HERC2: variants seen among roughly 807,000 people sequenced by gnomAD.
The protein encoded by HERC2 is HECT and RLD domain containing E3 ubiquitin protein ligase 2.
Under a neutral mutation model 537.7 loss-of-function variants are expected in HERC2, and 102 were observed. The observed-to-expected ratio is 0.19, with a 90% CI of 0.16 to 0.22. The LOEUF is 0.22. Ranked by LOEUF, HERC2 falls within the 10% of genes least tolerant of loss-of-function variation. HERC2 has a pLI of 1.00. For missense variants in HERC2, 4,236 were observed against 6,198.2 expected (o/e 0.68, Z 10.63); for synonymous variants, 2,224 against 2,466.2 (o/e 0.90, Z 2.91).
chr15:28,277,541 C>T (rs985959979), intron 5 of HERC2, among the ~76,000 whole-genome samples: 7 of 151,618 alleles, frequency 4.6e-5, no homozygotes, highest in Non-Finnish European at 1.0e-4. Context: ...AATTAATTCA[C>T]CAACCCTAAG....
intron 80 of HERC2, 56 bp downstream of exon 80, chr15:28,132,597 G>T: frequency 1.5e-6 from 2 of 1,345,166 alleles, no homozygotes; most frequent in South Asian, 2.3e-5. Context: ...GCCCCCATCT[G>T]ACAGCAGCAG....
Position 28,257,098 on chromosome 15 carries a change from C to T in HERC2, c.2480G>A (p.Cys827Tyr). ...AAGATTCAGCGTTGCCACGGCCACACACTCTTTCTCCTGGGGCGGGGGCCA... is the reference window on the plus strand; with the variant it reads ...AAGATTCAGCGTTGCCACGGCCACATACTCTTTCTCCTGGGGCGGGGGCCA... Reference protein sequence around the residue: ...ADWPPPQEKECVAVATLNLLR... With the variant: ...ADWPPPQEKEYVAVATLNLLR... Residue 827 changes from cysteine (C) to tyrosine (Y), a missense_variant, in exon 17 of 93, where the codon TGT becomes TAT. By Grantham distance (194) the Cys-to-Tyr change is radical. Transcript: ENST00000261609. 6.2e-7 allele frequency: 1 copy of T among 1,613,900 alleles called. No homozygotes were observed.
chr15:28,118,992 G>A (rs138484055), intron 86 of HERC2, among the ~76,000 whole-genome samples: 2 of 152,272 alleles, frequency 1.3e-5, no homozygotes, highest in South Asian at 2.1e-4. Context: ...CTGACACCAC[G>A]CACGGTGGCT....
intron 4 of HERC2, among the ~76,000 whole-genome samples, chr15:28,291,509 G>C (rs2076311218): frequency 6.6e-6 from 1 of 152,134 alleles, no homozygotes; most frequent in Admixed American, 6.5e-5. Context: ...GCTGAAACTG[G>C]GGTGGGCAGT....
intron 2 of HERC2, among the ~76,000 whole-genome samples, chr15:28,307,991 C>A (rs1251529125): frequency 6.6e-6 from 1 of 151,788 alleles, no homozygotes; most frequent in African/African-American, 2.4e-5. Flanking sequence ...TCTGATTCCT[C>A]CAGTTTGTTT....
intron 70 of HERC2, among the ~76,000 whole-genome samples, chr15:28,148,573 C>A (rs774306341): frequency 9.2e-5 from 14 of 152,192 alleles, no homozygotes; most frequent in Non-Finnish European, 1.9e-4. Flanking sequence ...GAGAACATCA[C>A]CGAGAACGGC....
At chr15:28,285,803 C>CAAAAAAAAAA (rs3079904) in intron 4 of HERC2, among the ~76,000 whole-genome samples, 35 of 72,234 alleles carry the variant, frequency 4.8e-4, no homozygotes, top group African/African-American at 1.4e-3. Context: ...GCATGACTGA[C>CAAAAAAAAAA]AAAAAAAAAA....
intron 53 of HERC2, among the ~76,000 whole-genome samples, 186 bp downstream of exon 53, chr15:28,191,773 ATC>A (rs1292053205): frequency 3.9e-5 from 6 of 152,218 alleles, no homozygotes; most frequent in African/African-American, 7.2e-5. Flanking sequence ...ATTGTTTAAA[ATC>A]TCTGACAATA....
At chr15:28,115,261 TA>T in intron 89 of HERC2, 167 bp downstream of exon 89, 6 of 440,008 alleles carry the variant, frequency 1.4e-5, no homozygotes, top group East Asian at 3.4e-5. Context: ...ATAGATGGTC[TA>T]TTTTTTTTTT....
intron 15 of HERC2, 64 bp downstream of exon 15, chr15:28,262,854 T>C (rs2075451572): frequency 6.6e-7 from 1 of 1,517,654 alleles, no homozygotes; most frequent in African/African-American, 1.4e-5. Context: ...TAAAACCTGC[T>C]AACTTTAAAA....
intron 5 of HERC2, among the ~76,000 whole-genome samples, chr15:28,279,748 G>A (rs943408591): frequency 1.3e-5 from 2 of 152,038 alleles, no homozygotes; most frequent in Non-Finnish European, 2.9e-5. Flanking sequence ...TGGAGTTCAA[G>A]GTTACAATGA....
chr15:28,308,451 G>A (rs2076852582), intron 2 of HERC2, among the ~76,000 whole-genome samples: 1 of 152,160 alleles, frequency 6.6e-6, no homozygotes, highest in Non-Finnish European at 1.5e-5. Context: ...ATTTTCTTGT[G>A]GAGTCTTTAG....
chr15:28,188,337 T>C (rs1896514300), intron 55 of HERC2, among the ~76,000 whole-genome samples: 1 of 151,898 alleles, frequency 6.6e-6, no homozygotes, highest in Admixed American at 6.6e-5. Context: ...AGTCAGGAGA[T>C]CGAGACCATC....
intron 53 of HERC2, 83 bp downstream of exon 53, chr15:28,191,878 G>T: frequency 8.1e-7 from 1 of 1,241,204 alleles, no homozygotes. Flanking sequence ...AACTTTGCAG[G>T]CTGCTCAAAG....
At position 28,214,729 on chromosome 15, in the gene HERC2, C is replaced by T. The variant is rs1240534594; in HGVS notation, c.6284G>A (p.Cys2095Tyr). Reference protein sequence around the residue: ...DKTERARDMKCLVEKLFDFLG... With the variant: ...DKTERARDMKYLVEKLFDFLG... ...GAAGTCAAACAGCTTCTCCACGAGG[C>T]ATTTCATGTCCCTCGCCCTTTCGGT... Residue 2095 changes from cysteine to tyrosine, a missense_variant, in exon 40 of 93, where the codon TGC becomes TAC. Around this residue, in one of 27 missense-constraint regions of HERC2, gnomAD observed 365 missense variants for 468.8 expected, o/e 0.78. Transcript: ENST00000261609. 1.9e-6 allele frequency: 3 copies of T among 1,611,692 alleles called. No homozygotes were observed. Among genetic ancestry groups the T allele is most frequent in the Non-Finnish European group, 2.5e-6 (3 of 1,179,630 alleles).
chr15:28,182,616 G>A (rs1895930972), intron 56 of HERC2, 104 bp from the exon 57 acceptor site: 14 of 852,020 alleles, frequency 1.6e-5, no homozygotes, highest in Non-Finnish European at 2.5e-5. Flanking sequence ...AAGTTTTATG[G>A]TTACTTTCAG....
chr15:28,182,851 G>A (rs780151438), intron 56 of HERC2, among the ~76,000 whole-genome samples: 1 of 152,124 alleles, frequency 6.6e-6, no homozygotes, highest in East Asian at 1.9e-4. Context: ...GGAAACAGAC[G>A]CACAGCTGCT....
rs1361434900 is a variant in HERC2, at chr15:28,268,900, C to T, written c.1447-284G>A. 6.6e-6 allele frequency among the ~76,000 whole-genome samples: 1 copy of T among 152,152 alleles called. No individual in the cohort carries two copies. ...GCAGCCGACAGGGAGGAACACCTCG[C>T]TTTAATGAAAACATGCCACGTCCCA... On this transcript the variant is annotated intron_variant, in intron 11 of 92. Transcript: ENST00000261609. This position sits in a 1 kb window ranked among gnomAD's most constrained non-coding sequence, Gnocchi z 4.7.
chr15:28,190,741 A>G (rs1896780885), intron 55 of HERC2: 6 of 578,702 alleles, frequency 1.0e-5, no homozygotes, highest in African/African-American at 1.9e-5. Flanking sequence ...TCTGCTACCA[A>G]AGAGAGTGAG....
Sources: allele counts gnomAD v4.1 joint callset (sites outside exome capture counted in the v4.1 genomes callset), GRCh38; gene constraint gnomAD v4.1.1; regional missense constraint gnomAD v4.1.1; non-coding constraint Gnocchi (gnomAD v3.1); transcripts MANE v1.5; gene names NCBI Gene and HGNC (gene_info 2026-07-23, HGNC 2026-07-21).